The following SLC25A26 variants were observed in gnomAD, a reference collection of about 807,000 sequenced individuals.
SLC25A26 encodes the protein mitochondrial S-adenosylmethionine carrier protein.
A neutral mutation model predicts 37.8 loss-of-function variants in SLC25A26; 36 were observed. The ratio of observed to expected loss-of-function variants is 0.95; its 90% CI spans 0.73 to 1.26. The LOEUF is 1.26. Among genes scored for constraint, SLC25A26 ranks in the 50% most tolerant of loss-of-function variants. The pLI, the probability that SLC25A26 is intolerant of heterozygous loss-of-function variation, is 0.00. For missense variants in SLC25A26, 390 were observed against 331.1 expected, an observed-to-expected ratio of 1.18 and a Z score of -1.38; for synonymous variants, 129 against 122.5, an observed-to-expected ratio of 1.05 and a Z score of -0.35.
chr3:66,231,763 A>ATTTTTT (rs377239684), intron 1 of SLC25A26, among the ~76,000 whole-genome samples: 2 of 137,912 alleles, frequency 1.5e-5, no homozygotes, highest in Non-Finnish European at 1.5e-5. Context: ...GGTTTACCTC[A>ATTTTTT]TTTTTTTTTT....
chr3:66,261,684 C>T, intron 3 of SLC25A26: 1 of 179,372 alleles, frequency 5.6e-6, no homozygotes, highest in Non-Finnish European at 1.1e-5. Flanking sequence ...AGAGGTTCCT[C>T]TGGTTCATTT....
At chr3:66,302,574 A>G (rs147084076) in intron 5 of SLC25A26, among the ~76,000 whole-genome samples, 5,592 of 152,216 alleles carry the variant, frequency 0.037, 141 homozygotes, top group Admixed American at 0.054. Flanking sequence ...GTTCTCCACC[A>G]TGTGTTCTGC....
rs2071187217 is a variant in SLC25A26, at chr3:66,206,930, C to T, written c.-353-13812C>T. ...TTTTTTTTTTTAACACGGAGTTTTG[C>T]CATGTTGCCTGGCGGGGGAGGTGCT... On this transcript the variant is annotated intron_variant, in intron 1 of 10. Coordinates refer to the SLC25A26 transcript ENST00000676754. 6.9e-5 allele frequency among the ~76,000 whole-genome samples: 10 copies of T among 144,616 alleles called. No homozygotes were observed. The South Asian group carries it at 2.2e-3, about 32-fold the overall frequency. The allele number at this position is 144,616 out of a possible 152,430, so 94.9% of individuals were successfully genotyped here.
chr3:66,303,783 C>G (rs1037674657), intron 5 of SLC25A26, among the ~76,000 whole-genome samples: 1 of 152,216 alleles, frequency 6.6e-6, no homozygotes, highest in Non-Finnish European at 1.5e-5. Context: ...TCTCCATTCA[C>G]TGTTTCACAC....
intron 5 of SLC25A26, among the ~76,000 whole-genome samples, chr3:66,283,379 C>G (rs376584939): frequency 1.5e-4 from 23 of 152,272 alleles, no homozygotes; most frequent in African/African-American, 5.5e-4. Flanking sequence ...TTCCCGGGCT[C>G]AAGTGATCCT....
At chr3:66,192,317 CAA>C (rs1229602690) in intron 1 of SLC25A26, among the ~76,000 whole-genome samples, 8 of 111,212 alleles carry the variant, frequency 7.2e-5, no homozygotes, top group Admixed American at 3.2e-4. Flanking sequence ...CTCCATGTCA[CAA>C]AAAAAAAAAA....
At chr3:66,344,194 A>T (rs1255948014) in intron 5 of SLC25A26, among the ~76,000 whole-genome samples, 1 of 152,212 alleles carries the variant, frequency 6.6e-6, no homozygotes, top group Non-Finnish European at 1.5e-5. Flanking sequence ...ATTTCTGATT[A>T]AATATAAATA....
chr3:66,331,712 T>A (rs1033207823), intron 5 of SLC25A26, among the ~76,000 whole-genome samples: 14 of 152,320 alleles, frequency 9.2e-5, no homozygotes, highest in South Asian at 6.2e-4. Context: ...ATATTTCCAT[T>A]CCATTAATGG....
At position 66,236,734 on chromosome 3, in the gene SLC25A26, A is replaced by G. The variant is rs185652345; in HGVS notation, c.190+34A>G. On this transcript the variant is annotated intron_variant, in intron 2 of 9. Coordinates refer to ENST00000354883, the MANE Select transcript of SLC25A26 (RefSeq NM_001379210.1). ...TTATATTCTCACTTCTGTAAAGCCA[A>G]GATAAGATGGGATTTTCAGAATGGT... The G allele has an allele frequency of 9.6e-5, 140 of 1,455,246 alleles. No individual in the cohort carries two copies. In the African/African-American group the frequency reaches 1.8e-3, roughly 18 times the overall value. The allele number at this position is 1,455,246 out of a possible 1,614,324, so 90.1% of individuals were successfully genotyped here.
At chr3:66,321,751 C>CTT (rs34897144) in intron 5 of SLC25A26, among the ~76,000 whole-genome samples, 12 of 142,766 alleles carry the variant, frequency 8.4e-5, no homozygotes, top group African/African-American at 2.8e-4. Flanking sequence ...TTTCTGCCTA[C>CTT]TTTTTTTTTT....
intron 1 of SLC25A26, among the ~76,000 whole-genome samples, chr3:66,205,976 C>T (rs1423164625): frequency 6.6e-6 from 1 of 152,140 alleles, no homozygotes; most frequent in South Asian, 2.1e-4. Flanking sequence ...CGTAATAGAG[C>T]AGGTTAGTGC....
intron 5 of SLC25A26, among the ~76,000 whole-genome samples, chr3:66,292,599 T>A (rs2074751197): frequency 6.6e-6 from 1 of 152,192 alleles, no homozygotes; most frequent in African/African-American, 2.4e-5. Context: ...TGAAAATTCT[T>A]TTAAGAATGT....
At chr3:66,180,324 C>T (rs1576617393) in intron 1 of SLC25A26, among the ~76,000 whole-genome samples, 1 of 152,192 alleles carries the variant, frequency 6.6e-6, no homozygotes, top group Admixed American at 6.5e-5. Context: ...GACCCCAACC[C>T]CTACCACATG....
intron 9 of SLC25A26, among the ~76,000 whole-genome samples, chr3:66,376,280 A>G (rs534782352): frequency 1.2e-4 from 18 of 152,322 alleles, no homozygotes; most frequent in African/African-American, 4.3e-4. Context: ...AGTTGAGAAA[A>G]CAGTGGCAGA....
intron 5 of SLC25A26, among the ~76,000 whole-genome samples, chr3:66,341,291 G>C (rs543270524): frequency 6.6e-6 from 1 of 152,206 alleles, no homozygotes; most frequent in South Asian, 2.1e-4. Flanking sequence ...TCATAAGTCA[G>C]TGTCAAATAT....
chr3:66,369,504 C>G lies in SLC25A26; in HGVS notation c.595C>G (p.Pro199Ala). The stretch of plus-strand genomic sequence containing the variant: ...TGGATTTGCCGCTGCAGTCACCACC[C>G]CTCTAGACGTGGCAAAGACAAGAAT... ...AGGFAAAVTT[P>A]LDVAKTRITL... Residue 199 changes from proline to alanine, a missense_variant, in exon 8 of 10, where the codon CCT (proline) becomes GCT (alanine). Pro to Ala is a conservative substitution (Grantham distance 27). Transcript: ENST00000354883. 6.2e-7 allele frequency: 1 copy of G among 1,605,266 alleles called. No individual in the cohort carries two copies. Among genetic ancestry groups the G allele is most frequent in the Non-Finnish European group, 8.5e-7 (1 of 1,176,018 alleles).
chr3:66,191,789 G>C (rs971982296), intron 1 of SLC25A26, among the ~76,000 whole-genome samples: 2 of 151,974 alleles, frequency 1.3e-5, no homozygotes, highest in African/African-American at 4.8e-5. Context: ...TACTTGGGAG[G>C]CTGAGGCAAG....
At chr3:66,311,933 T>C (rs2075390135) in intron 5 of SLC25A26, among the ~76,000 whole-genome samples, 1 of 152,114 alleles carries the variant, frequency 6.6e-6, no homozygotes, top group African/African-American at 2.4e-5. Flanking sequence ...TGTTGAACCC[T>C]CCTGGGAGGT....
At chr3:66,359,069 T>A (rs13317637) in intron 6 of SLC25A26, among the ~76,000 whole-genome samples, 25 of 152,224 alleles carry the variant, frequency 1.6e-4, no homozygotes, top group African/African-American at 5.5e-4. Context: ...AATTATTTCT[T>A]TATGTGTTTT....
Sources: allele counts gnomAD v4.1 joint callset (sites outside exome capture counted in the v4.1 genomes callset), GRCh38; gene constraint gnomAD v4.1.1; transcripts MANE v1.5; gene names NCBI Gene and HGNC (gene_info 2026-07-23, HGNC 2026-07-21).